The following VSNL1 variants were observed in gnomAD, a reference collection of about 807,000 sequenced individuals.
VSNL1 encodes the protein visinin-like protein 1.
In VSNL1, 6 loss-of-function variants were observed where a neutral mutation model predicts 20.4. The ratio of observed to expected loss-of-function variants is 0.29; its 90% CI spans 0.16 to 0.58. VSNL1 has a LOEUF of 0.58. VSNL1 is among the 20% of genes least tolerant of loss of function. VSNL1 has a pLI of 0.90. For missense variants in VSNL1, 100 were observed against 234.5 expected, an observed-to-expected ratio of 0.43 and a Z score of 3.75; for synonymous variants, 93 against 86.4, an observed-to-expected ratio of 1.08 and a Z score of -0.42.
At chr2:17,639,846 C>G (rs1317823980) in intron 2 of VSNL1, among the ~76,000 whole-genome samples, 1 of 152,224 alleles carries the variant, frequency 6.6e-6, no homozygotes, top group African/African-American at 2.4e-5. Flanking sequence ...AGTGGAAGAA[C>G]TGGAACCCAA....
intron 3 of VSNL1, among the ~76,000 whole-genome samples, chr2:17,652,082 G>A (rs942316639): frequency 3.3e-5 from 5 of 152,200 alleles, no homozygotes; most frequent in African/African-American, 1.2e-4. Flanking sequence ...CATACATTTA[G>A]TGAGGTTTCT....
chr2:17,550,170 G>T (rs548332303), intron 1 of VSNL1, among the ~76,000 whole-genome samples: 1 of 152,212 alleles, frequency 6.6e-6, no homozygotes, highest in Admixed American at 6.5e-5. Context: ...TTAAAAAGGT[G>T]ATTTATAATC....
At chr2:17,599,712 T>A (rs1178975490) in intron 2 of VSNL1, among the ~76,000 whole-genome samples, 1 of 152,186 alleles carries the variant, frequency 6.6e-6, no homozygotes, top group African/African-American at 2.4e-5. Context: ...GCCTATGAAA[T>A]CGATCTTAGA....
intron 2 of VSNL1, among the ~76,000 whole-genome samples, chr2:17,646,620 A>C (rs1666002938): frequency 6.6e-6 from 1 of 152,212 alleles, no homozygotes; most frequent in Non-Finnish European, 1.5e-5. Flanking sequence ...GTGTATATAC[A>C]TTTTTAATTT....
chr2:17,627,357 C>A (rs1468673723), intron 2 of VSNL1, among the ~76,000 whole-genome samples: 3 of 152,188 alleles, frequency 2.0e-5, no homozygotes, highest in Admixed American at 6.5e-5. Flanking sequence ...AATCTGTAAC[C>A]GCCCAAGGGG....
intron 2 of VSNL1, among the ~76,000 whole-genome samples, chr2:17,646,688 A>G (rs1572221655): frequency 6.6e-6 from 1 of 152,376 alleles, no homozygotes; most frequent in East Asian, 1.9e-4. Flanking sequence ...ACTGCCATCG[A>G]ATATTACTTC....
intron 2 of VSNL1, among the ~76,000 whole-genome samples, chr2:17,619,889 C>A (rs997578789): frequency 2.5e-4 from 38 of 150,670 alleles, no homozygotes; most frequent in African/African-American, 7.9e-4. Flanking sequence ...AATCCCCCCC[C>A]AAAAGGCCCC....
At chr2:17,605,639 C>T (rs1287340336) in intron 2 of VSNL1, among the ~76,000 whole-genome samples, 1 of 152,166 alleles carries the variant, frequency 6.6e-6, no homozygotes, top group Non-Finnish European at 1.5e-5. Flanking sequence ...GTGCAGAGCC[C>T]CCTCTCAGGG....
At chr2:17,550,820 C>T (rs996634516) in intron 1 of VSNL1, among the ~76,000 whole-genome samples, 3 of 152,150 alleles carry the variant, frequency 2.0e-5, no homozygotes, top group Non-Finnish European at 4.4e-5. Flanking sequence ...AAATCTGAAC[C>T]TTACTTAGAT....
Position 17,563,952 on chromosome 2 carries a change from GTCT to G in VSNL1, c.-6+23039_-6+23041del, listed in dbSNP as rs1280824864. On this transcript the variant is annotated intron_variant, in intron 1 of 3. Coordinates refer to ENST00000295156, the MANE Select transcript of VSNL1 (RefSeq NM_003385.5). The stretch of plus-strand genomic sequence containing the variant: ...AAATTTACCTTCTTACTTCTAAATA[GTCT>G]TCTTAAAAATCAATTCCTTTAATTA... 6.6e-5 allele frequency among the ~76,000 whole-genome samples: 10 copies of G among 152,078 alleles called. No homozygotes were observed. The South Asian group carries it at 2.1e-3, about 32-fold the overall frequency.
intron 2 of VSNL1, among the ~76,000 whole-genome samples, chr2:17,617,124 G>T (rs1665236915): frequency 6.6e-6 from 1 of 152,174 alleles, no homozygotes; most frequent in Non-Finnish European, 1.5e-5. Flanking sequence ...GGCTCTTACA[G>T]GTCATTCTGG....
At chr2:17,611,283 T>G (rs1665079503) in intron 2 of VSNL1, among the ~76,000 whole-genome samples, 1 of 152,190 alleles carries the variant, frequency 6.6e-6, no homozygotes, top group Admixed American at 6.5e-5. Flanking sequence ...ACACAACTAG[T>G]GAATGACTAA....
At chr2:17,622,538 AAGAAAG>A (rs1332750042) in intron 2 of VSNL1, among the ~76,000 whole-genome samples, 2 of 36,742 alleles carry the variant, frequency 5.4e-5, no homozygotes, top group Non-Finnish European at 1.0e-4. Context: ...AAAGAAAAGA[AAGAAAG>A]AAAGAAAGAA....
At chr2:17,641,793 G>C (rs1186753696) in intron 2 of VSNL1, among the ~76,000 whole-genome samples, 1 of 152,158 alleles carries the variant, frequency 6.6e-6, no homozygotes, top group African/African-American at 2.4e-5. Context: ...TATAGACATA[G>C]ACTTATGCAT....
chr2:17,566,398 T>A (rs148049174), intron 1 of VSNL1, among the ~76,000 whole-genome samples: 1 of 152,306 alleles, frequency 6.6e-6, no homozygotes, highest in African/African-American at 2.4e-5. Context: ...TTGCTCTACA[T>A]CTTTGCAGTC....
Position 17,649,771 on chromosome 2 carries a change from C to A in VSNL1, c.378+146C>A. 1 of 785,178 alleles carries A rather than the reference C, an allele frequency of 1.3e-6. No homozygotes were observed. 48.6% of individuals were successfully genotyped at this position (785,178 alleles called of 1,614,324 possible). ...CGCCTGGACTTCTCCTGCTTCTGTC[C>A]CCGCTGCAGCACAGTGCTGGGGAGG... On this transcript the variant is annotated intron_variant, in intron 3 of 3. Transcript: ENST00000295156. The surrounding 1 kb of genome is among the most constrained non-coding windows in gnomAD (Gnocchi z 6.4).
chr2:17,566,787 C>T (rs62131529), intron 1 of VSNL1, among the ~76,000 whole-genome samples: 5,039 of 152,102 alleles, frequency 0.033, 90 homozygotes, highest in East Asian at 0.098. Context: ...CTAACTGAAA[C>T]GTATTTTTGA....
At position 17,655,588 on chromosome 2, in the gene VSNL1, T is replaced by G. The variant is rs1666215210; in HGVS notation, c.*194T>G. 1.8e-6 allele frequency: 1 copy of G among 566,054 alleles called. No individual in the cohort carries two copies. Among genetic ancestry groups the G allele is most frequent in the Non-Finnish European group, 3.1e-6 (1 of 324,516 alleles). The allele number at this position is 566,054 out of a possible 1,614,324, so 35.1% of individuals were successfully genotyped here. A position where few individuals can be genotyped will look rare whatever the true frequency, so the allele number is the denominator to read the frequency against. ...GAGAATGTCATTTGCTAATGAATTT[T>G]AAAAGCATATATAAAACAAAACAAA... On this transcript the variant is annotated 3_prime_UTR_variant, in exon 4 of 4. Coordinates refer to ENST00000295156, the MANE Select transcript of VSNL1 (RefSeq NM_003385.5). The surrounding 1 kb of genome is among the most constrained non-coding windows in gnomAD (Gnocchi z 5.2).
At chr2:17,544,066 G>C (rs1396245803) in intron 1 of VSNL1, among the ~76,000 whole-genome samples, 1 of 152,194 alleles carries the variant, frequency 6.6e-6, no homozygotes, top group Non-Finnish European at 1.5e-5. Context: ...GAGGCATTAG[G>C]AAAGGAGGAG....
Sources: allele counts gnomAD v4.1 joint callset (sites outside exome capture counted in the v4.1 genomes callset), GRCh38; gene constraint gnomAD v4.1.1; non-coding constraint Gnocchi (gnomAD v3.1); transcripts MANE v1.5; gene names NCBI Gene and HGNC (gene_info 2026-07-23, HGNC 2026-07-21).